The following CPQ variants were observed in gnomAD, a reference collection of about 807,000 sequenced individuals.
CPQ encodes the protein carboxypeptidase Q.
CPQ carries 37 observed loss-of-function variants against 45.7 expected under a neutral mutation model. That is an observed-to-expected ratio of 0.81 (90% CI 0.62 to 1.07). The LOEUF is 1.07. Among genes scored for constraint, CPQ ranks in the 50% least tolerant of loss-of-function variants. The pLI is 0.00. For synonymous variants in CPQ, 186 were observed against 205.8 expected (o/e 0.90, Z 0.82); for missense variants, 537 against 572.9 (o/e 0.94, Z 0.64).
At chr8:96,959,894 A>G (rs1243311503) in intron 4 of CPQ, among the ~76,000 whole-genome samples, 1 of 147,754 alleles carries the variant, frequency 6.8e-6, no homozygotes, top group East Asian at 1.9e-4. Flanking sequence ...ACAAAAGCAA[A>G]AAAAAAAAAA....
rs1473299882 is a variant in CPQ at position 96,870,144 on chromosome 8, C to A, written c.642-9654C>A. Among the ~76,000 whole-genome samples, 5 of 148,472 alleles carry A rather than the reference C, an allele frequency of 3.4e-5. No individual in the cohort carries two copies. In the East Asian group the frequency reaches 5.9e-4, roughly 18 times the overall value. On this transcript the variant is annotated intron_variant, in intron 3 of 7. Coordinates refer to ENST00000220763, the MANE Select transcript of CPQ (RefSeq NM_016134.4). ...TAAACCACATGTTGTCTGTCAGGCACAGTACAGTGCTTTATATATATATTT... is the reference window on the plus strand; with the variant it reads ...TAAACCACATGTTGTCTGTCAGGCAAAGTACAGTGCTTTATATATATATTT...
intron 6 of CPQ, among the ~76,000 whole-genome samples, chr8:97,052,803 T>C (rs1471202542): frequency 1.3e-5 from 2 of 152,202 alleles, no homozygotes; most frequent in Admixed American, 1.3e-4. Context: ...ATTTTGATAA[T>C]TTATGGCCAC....
At chr8:96,686,849 G>C (rs1007966161) in intron 1 of CPQ, among the ~76,000 whole-genome samples, 2 of 151,976 alleles carry the variant, frequency 1.3e-5, no homozygotes, top group African/African-American at 2.4e-5. Flanking sequence ...TTGACAATTT[G>C]TCCTCCTTTT....
intron 2 of CPQ, among the ~76,000 whole-genome samples, chr8:96,786,207 C>A (rs1467110475): frequency 6.6e-6 from 1 of 152,110 alleles, no homozygotes; most frequent in Non-Finnish European, 1.5e-5. Flanking sequence ...CCCTAGGAAA[C>A]CACTAATCTG....
At chr8:96,852,066 A>G (rs1344449519) in intron 3 of CPQ, among the ~76,000 whole-genome samples, 1 of 152,206 alleles carries the variant, frequency 6.6e-6, no homozygotes, top group South Asian at 2.1e-4. Flanking sequence ...TCAATCCGTT[A>G]CCATCACTTT....
intron 5 of CPQ, among the ~76,000 whole-genome samples, chr8:96,976,259 A>G (rs1028470228): frequency 1.3e-5 from 2 of 150,632 alleles, no homozygotes; most frequent in Non-Finnish European, 3.0e-5. Context: ...AAAAAAAAAA[A>G]AAAAAAAAAA....
intron 6 of CPQ, among the ~76,000 whole-genome samples, chr8:97,060,909 C>T (rs1169293584): frequency 6.6e-6 from 1 of 152,130 alleles, no homozygotes; most frequent in Non-Finnish European, 1.5e-5. Context: ...ATTCCAGTTT[C>T]TTTGTGCAGA....
chr8:96,882,757 T>C (rs1812245383), intron 4 of CPQ, among the ~76,000 whole-genome samples: 1 of 152,332 alleles, frequency 6.6e-6, no homozygotes, highest in African/African-American at 2.4e-5. Context: ...GCCTGACTCA[T>C]TCTTTTATTT....
At position 97,094,756 on chromosome 8, in the gene CPQ, A is replaced by AATAT. The variant is rs35476502; in HGVS notation, c.1255+28558_1255+28561dup. On this transcript the variant is annotated intron_variant, in intron 7 of 7. Transcript: ENST00000220763. ...AAATATTTCAAGTATTCGCCATTAA[A>AATAT]ATATATATATATATACAGCTTTACC... Among the ~76,000 whole-genome samples, 12 of 151,084 alleles carry AATAT rather than the reference A, an allele frequency of 7.9e-5. 1 individual carries two copies. The highest frequency in any genetic ancestry group is 4.0e-4 in the Admixed American group (6 of 15,132).
chr8:97,142,140 CT>C (rs1228184399), intron 7 of CPQ, among the ~76,000 whole-genome samples: 1 of 152,098 alleles, frequency 6.6e-6, no homozygotes, highest in East Asian at 1.9e-4. Context: ...TATTTTCACC[CT>C]TTATAATATA....
intron 5 of CPQ, among the ~76,000 whole-genome samples, chr8:96,999,495 T>A (rs1345067529): frequency 6.6e-6 from 1 of 151,858 alleles, no homozygotes; most frequent in African/African-American, 2.4e-5. Flanking sequence ...GTAGTATTTG[T>A]TTTTCTGTTT....
chr8:96,648,326 CA>C (rs1298950731), intron 1 of CPQ, among the ~76,000 whole-genome samples: 1 of 152,184 alleles, frequency 6.6e-6, no homozygotes, highest in Non-Finnish European at 1.5e-5. Context: ...ATTAAAGCAA[CA>C]ATTTTTATTA....
At chr8:96,750,387 A>G (rs969791073) in intron 1 of CPQ, among the ~76,000 whole-genome samples, 3 of 152,120 alleles carry the variant, frequency 2.0e-5, no homozygotes, top group Non-Finnish European at 2.9e-5. Flanking sequence ...GGTATTCTCC[A>G]GGTTGACTGA....
intron 5 of CPQ, among the ~76,000 whole-genome samples, chr8:97,007,787 G>A (rs189452017): frequency 3.7e-4 from 56 of 152,268 alleles, no homozygotes; most frequent in African/African-American, 1.3e-3. Flanking sequence ...AATAAAGGAC[G>A]AAATGTTTTT....
At chr8:96,965,872 T>G in intron 4 of CPQ, 63 bp from the exon 5 acceptor site, 1 of 998,528 alleles carries the variant, frequency 1.0e-6, no homozygotes, top group East Asian at 2.6e-5. Flanking sequence ...TACCTATAAA[T>G]GTTTACTCTT....
chr8:97,035,080 A>G (rs1190474865), intron 6 of CPQ, among the ~76,000 whole-genome samples: 1 of 151,942 alleles, frequency 6.6e-6, no homozygotes, highest in Non-Finnish European at 1.5e-5. Context: ...TTTAGTAGAG[A>G]CAGGGTTTCA....
rs925706406 is a variant in CPQ, at chr8:97,019,985, G to A, written c.962-9418G>A. Among the ~76,000 whole-genome samples, 15 of 152,098 alleles carry A rather than the reference G, an allele frequency of 9.9e-5. No homozygotes were observed. In the East Asian group the frequency reaches 1.5e-3, roughly 16 times the overall value. On this transcript the variant is annotated intron_variant, in intron 5 of 7. Transcript: ENST00000220763. ...TAGACCATATGATAGGCCACAAAAC[G>A]AGTCTTGATAAATTCAAGAAAATTG...
At chr8:96,867,350 A>G (rs1002291022) in intron 3 of CPQ, among the ~76,000 whole-genome samples, 5 of 152,090 alleles carry the variant, frequency 3.3e-5, no homozygotes, top group Non-Finnish European at 5.9e-5. Flanking sequence ...ACTCATCACT[A>G]TTAATCAGTT....
At chr8:96,701,309 G>A (rs1488473561) in intron 1 of CPQ, among the ~76,000 whole-genome samples, 1 of 152,114 alleles carries the variant, frequency 6.6e-6, no homozygotes, top group African/African-American at 2.4e-5. Context: ...ATTCTAGGAA[G>A]CGTCTAGTGT....
Sources: gnomAD v4.1 joint callset for allele counts (sites outside exome capture counted in the v4.1 genomes callset) on GRCh38, gnomAD v4.1.1 for gene constraint, MANE v1.5 for transcripts, NCBI Gene and HGNC (gene_info 2026-07-23, HGNC 2026-07-21) for gene names.